CCND3: variants seen among roughly 807,000 people sequenced by gnomAD.
CCND3 encodes G1/S-specific cyclin-D3.
In CCND3, 9 loss-of-function variants were observed where a neutral mutation model predicts 28.7. The ratio of observed to expected loss-of-function variants is 0.31; its 90% CI spans 0.19 to 0.55. The LOEUF (loss-of-function observed/expected upper bound fraction) is 0.55. Among genes scored for constraint, CCND3 ranks in the 20% least tolerant of loss-of-function variants. The pLI, the probability that CCND3 is intolerant of heterozygous loss-of-function variation, is 0.93. For missense variants in CCND3, 315 were observed against 385.8 expected, an observed-to-expected ratio of 0.82 and a Z score of 1.54; for synonymous variants, 164 against 163.9, an observed-to-expected ratio of 1.00 and a Z score of 0.00.
intron 1 of CCND3, among the ~76,000 whole-genome samples, chr6:41,961,742 TCCACC>T (rs1761722043): frequency 1.3e-5 from 2 of 151,892 alleles, no homozygotes; most frequent in Admixed American, 1.3e-4. Context: ...AGCTCTACCC[TCCACC>T]CCAAACTCCC....
chr6:42,045,815 C>A (rs986341359), intron 1 of CCND3, among the ~76,000 whole-genome samples: 41 of 152,222 alleles, frequency 2.7e-4, no homozygotes, highest in Non-Finnish European at 7.3e-5. Context: ...GAACTTTCCC[C>A]ACCCCCAGCC....
intron 1 of CCND3, among the ~76,000 whole-genome samples, chr6:42,000,234 C>CTTTTT (rs70987562): frequency 0.016 from 803 of 51,016 alleles, 300 homozygotes; most frequent in African/African-American, 0.043. Flanking sequence ...TGAAAACATA[C>CTTTTT]TTTTTTTTTT....
intron 1 of CCND3, among the ~76,000 whole-genome samples, chr6:42,046,149 G>A (rs543251894): frequency 9.1e-4 from 139 of 152,230 alleles, no homozygotes; most frequent in Non-Finnish European, 1.6e-3. Flanking sequence ...TGCAGGCAGA[G>A]AGGGACCGCC....
chr6:41,967,263 A>G (rs1319425140), intron 1 of CCND3, among the ~76,000 whole-genome samples: 1 of 152,206 alleles, frequency 6.6e-6, no homozygotes, highest in Non-Finnish European at 1.5e-5. Flanking sequence ...AAGGCTAGAC[A>G]GCCACATTTT....
intron 1 of CCND3, chr6:41,940,913 C>G (rs1248948585): frequency 1.3e-6 from 2 of 1,560,926 alleles, no homozygotes; most frequent in African/African-American, 1.4e-5. Context: ...AGCCAGAGAG[C>G]TGGGACCTCA....
intron 1 of CCND3, among the ~76,000 whole-genome samples, chr6:42,034,458 C>T (rs1297295414): frequency 1.4e-5 from 2 of 146,162 alleles, no homozygotes; most frequent in Admixed American, 7.0e-5. Context: ...GCCTGGCCAA[C>T]CCTGTCACTC....
intron 1 of CCND3, among the ~76,000 whole-genome samples, chr6:41,971,593 G>C (rs1172885041): frequency 2.6e-5 from 4 of 151,756 alleles, no homozygotes; most frequent in African/African-American, 9.7e-5. Context: ...CCAGGCTGGA[G>C]TTCAGTGGCA....
chr6:41,936,534 T>TGCTGCCCA lies in CCND3; in HGVS notation c.711+17_711+24dup, dbSNP rs759720804. On this transcript the variant is annotated intron_variant, in intron 4 of 4. Coordinates refer to ENST00000372991, the MANE Select transcript of CCND3 (RefSeq NM_001760.5). The surrounding 1 kb of genome is among the most constrained non-coding windows in gnomAD (Gnocchi z 4.4). ...AGCACTACTTTATGAATGGAGAGGC[T>TGCTGCCCA]GCTGCCCAGCTACCCAGCACTCACC... 67 of 1,613,056 alleles carry TGCTGCCCA rather than the reference T, an allele frequency of 4.2e-5. No homozygotes were observed. In the East Asian group the frequency reaches 1.4e-3, roughly 35 times the overall value.
intron 1 of CCND3, among the ~76,000 whole-genome samples, chr6:41,978,267 G>C (rs1378242286): frequency 6.6e-6 from 1 of 151,808 alleles, no homozygotes; most frequent in Non-Finnish European, 1.5e-5. Context: ...CCAGCTACTC[G>C]GGAGGCTGAG....
rs67939325 is a variant in CCND3, at chr6:41,990,660, A to ATTTTTTTTTTTTTTT, written c.-45-50090_-45-50076dup. Among the ~76,000 whole-genome samples, 28 of 121,274 alleles carry ATTTTTTTTTTTTTTT rather than the reference A, an allele frequency of 2.3e-4. 14 individuals are homozygous for ATTTTTTTTTTTTTTT. Among genetic ancestry groups the ATTTTTTTTTTTTTTT allele is most frequent in the Non-Finnish European group, 1.6e-4 (10 of 60,716 alleles). The allele number at this position is 121,274 out of a possible 152,430, so 79.6% of individuals were successfully genotyped here. On this transcript the variant is annotated intron_variant, in intron 1 of 4. Transcript: ENST00000372988. The stretch of plus-strand genomic sequence containing the variant: ...TAGTCCATGAATCTATAACCAACTG[A>ATTTTTTTTTTTTTTT]TTTTTTTTTTTTTTTTTTTTTTTTT...
intron 1 of CCND3, among the ~76,000 whole-genome samples, chr6:41,950,755 C>T (rs1422269101): frequency 6.7e-6 from 1 of 148,474 alleles, no homozygotes; most frequent in Non-Finnish European, 1.5e-5. Flanking sequence ...GTCACCCAGG[C>T]TGGAGTGCAG....
chr6:42,002,512 GCTAAAACAACA>G (rs1231632013), intron 1 of CCND3, among the ~76,000 whole-genome samples: 1 of 151,686 alleles, frequency 6.6e-6, no homozygotes, highest in Non-Finnish European at 1.5e-5. Context: ...ATACAATGCA[GCTAAAACAACA>G]CTTACAGGGA....
At chr6:41,959,785 A>G (rs1761658855) in intron 1 of CCND3, among the ~76,000 whole-genome samples, 1 of 151,172 alleles carries the variant, frequency 6.6e-6, no homozygotes, top group African/African-American at 2.4e-5. Context: ...GTGAAATCCT[A>G]TCTCTACTAA....
intron 1 of CCND3, among the ~76,000 whole-genome samples, chr6:42,009,448 C>G (rs1484975651): frequency 6.6e-6 from 1 of 152,140 alleles, no homozygotes; most frequent in African/African-American, 2.4e-5. Context: ...CCTGTCTCTA[C>G]TAAAAATACA....
chr6:42,019,684 C>T (rs1408916124), intron 1 of CCND3, among the ~76,000 whole-genome samples: 2 of 151,876 alleles, frequency 1.3e-5, no homozygotes, highest in Non-Finnish European at 2.9e-5. Context: ...CACTGATTTT[C>T]CCTGAGGGAT....
intron 1 of CCND3, among the ~76,000 whole-genome samples, chr6:42,044,788 T>TTTATTTATTTATTTA (rs1764484117): frequency 6.7e-6 from 1 of 149,184 alleles, no homozygotes; most frequent in Non-Finnish European, 1.5e-5. Flanking sequence ...TTTCCTTTTA[T>TTTATTTATTTATTTA]TTATTTATTT....
At chr6:41,987,351 A>G (rs1762505654) in intron 1 of CCND3, among the ~76,000 whole-genome samples, 1 of 151,980 alleles carries the variant, frequency 6.6e-6, no homozygotes. Flanking sequence ...AGCACTTCAG[A>G]AAAGACTGGG....
intron 1 of CCND3, among the ~76,000 whole-genome samples, chr6:42,015,449 G>A (rs1428708313): frequency 1.3e-5 from 2 of 152,080 alleles, no homozygotes; most frequent in South Asian, 2.1e-4. Flanking sequence ...AGTGGCTCAC[G>A]CCTGTAATCC....
chr6:42,048,491 C>T lies in CCND3; in HGVS notation c.-46+10G>A, dbSNP rs1366306189. 2.0e-6 allele frequency: 1 copy of T among 509,664 alleles called. No homozygotes were observed. The highest frequency in any genetic ancestry group is 5.6e-5 in the East Asian group (1 of 17,884). The allele number at this position is 509,664 out of a possible 1,614,324, so 31.6% of individuals were successfully genotyped here. On this transcript the variant is annotated intron_variant, in intron 1 of 4. Coordinates refer to the CCND3 transcript ENST00000372988. The surrounding 1 kb of genome is among the most constrained non-coding windows in gnomAD (Gnocchi z 4.7). ...CCATCTACCCCGGTTTCTCCAGCAC[C>T]CAAGCCTACCTCCTCGTCAGGTGAC...
Sources: gnomAD v4.1 joint callset for allele counts (sites outside exome capture counted in the v4.1 genomes callset) on GRCh38, gnomAD v4.1.1 for gene constraint, Gnocchi (gnomAD v3.1) non-coding constraint, MANE v1.5 for transcripts, NCBI Gene and HGNC (gene_info 2026-07-23, HGNC 2026-07-21) for gene names.